C16orf86: variants seen among roughly 807,000 people sequenced by gnomAD.
C16orf86 encodes uncharacterized protein C16orf86.
Under a neutral mutation model 21.5 loss-of-function variants are expected in C16orf86, and 19 were observed. That is an observed-to-expected ratio of 0.88 (90% CI 0.62 to 1.30). The LOEUF (loss-of-function observed/expected upper bound fraction) is 1.30. Among genes scored for constraint, C16orf86 ranks in the 50% most tolerant of loss-of-function variants. The pLI, the probability that C16orf86 is intolerant of heterozygous loss-of-function variation, is 0.00. For missense variants in C16orf86, 391 were observed against 415.8 expected, an observed-to-expected ratio of 0.94 and a Z score of 0.52; for synonymous variants, 188 against 183.5, an observed-to-expected ratio of 1.02 and a Z score of -0.20.
Position 67,667,496 on chromosome 16 carries a change from C to T in C16orf86, c.303C>T (p.Pro101=). 1 of 1,607,348 alleles carries T rather than the reference C, an allele frequency of 6.2e-7. No individual in the cohort carries two copies. Among genetic ancestry groups the T allele is most frequent in the Non-Finnish European group, 8.5e-7 (1 of 1,177,272 alleles). Residue 101 remains proline (P), a synonymous_variant, in exon 2 of 4, where the codon CCC becomes CCT. Coordinates refer to ENST00000403458, the MANE Select transcript of C16orf86 (RefSeq NM_001012984.3). ...GPRPVVSIVR[P]RHGPKRKPVK... Reference sequence around the variant, plus strand: ...GGCCCGTGGTCTCCATTGTGAGGCCCCGTCATGGTCCAAAGAGAAAGCCTG... The same window carrying T: ...GGCCCGTGGTCTCCATTGTGAGGCCTCGTCATGGTCCAAAGAGAAAGCCTG...
At chr16:67,667,580 A>G in intron 2 of C16orf86, 55 bp downstream of exon 2, 1 of 1,556,466 alleles carries the variant, frequency 6.4e-7, no homozygotes, top group East Asian at 2.4e-5. Flanking sequence ...GGCACACACC[A>G]CAGTAGGATT....
chr16:67,668,624 C>A lies in C16orf86; in HGVS notation c.*24C>A, dbSNP rs747067544. On this transcript the variant is annotated 3_prime_UTR_variant, in exon 4 of 4. Coordinates refer to ENST00000403458, the MANE Select transcript of C16orf86 (RefSeq NM_001012984.3). ...GACTGTCCCGCCCCACTGGTGGCTC[C>A]CCTCCTTCCACGCCTGAATTTGGCT... 1 of 1,610,484 alleles carries A rather than the reference C, an allele frequency of 6.2e-7. No individual in the cohort carries two copies. Among genetic ancestry groups the A allele is most frequent in the Non-Finnish European group, 8.5e-7 (1 of 1,177,810 alleles).
chr16:67,667,641 T>C, intron 2 of C16orf86, 116 bp downstream of exon 2: 1 of 1,543,640 alleles, frequency 6.5e-7, no homozygotes, highest in East Asian at 2.4e-5. Flanking sequence ...GCCACTACCA[T>C]CACTCTCCTC....
chr16:67,667,131 C>T, intron 1 of C16orf86, 59 bp downstream of exon 1: 1 of 1,447,542 alleles, frequency 6.9e-7, no homozygotes, highest in African/African-American at 1.4e-5. Context: ...AGAGGTGGAA[C>T]TGAGCGCCCC....
Position 67,667,301 on chromosome 16 carries a change from AG to A in C16orf86, c.109del (p.Val37TrpfsTer51), listed in dbSNP as rs1842698649. On this transcript the variant is annotated frameshift_variant, in exon 2 of 4. Coordinates refer to ENST00000403458, the MANE Select transcript of C16orf86 (RefSeq NM_001012984.3). LOFTEE classifies it high-confidence loss of function. ...PGSAQTSECP[V>X]AGDQFLVPAH... The stretch of plus-strand genomic sequence containing the variant: ...GGCCTGTGTGTCATCTCTAGTGTCC[AG>A]TGGCGGGAGACCAGTTCCTGGTGCC... 2.5e-6 allele frequency: 4 copies of A among 1,607,876 alleles called. No individual in the cohort carries two copies. The highest frequency in any genetic ancestry group is 3.4e-6 in the Non-Finnish European group (4 of 1,177,482).
Position 67,668,075 on chromosome 16 carries a change from C to T in C16orf86, c.530C>T (p.Pro177Leu), listed in dbSNP as rs1347497098. 1.2e-6 allele frequency: 2 copies of T among 1,612,736 alleles called. No homozygotes were observed. The highest frequency in any genetic ancestry group is 1.7e-6 in the Non-Finnish European group (2 of 1,179,688). Reference protein sequence around the residue: ...LHAVASMVSAPLETLRLERKA... With the variant: ...LHAVASMVSALLETLRLERKA... ...GCTGTGGCCAGCATGGTGTCTGCAC[C>T]CTTAGAGACATTGAGGCTGGAGCGT... The change falls in exon 3 of 4, where the codon CCC (proline) becomes CTC (leucine). Residue 177 changes from proline (P) to leucine (L), a missense_variant. Pro to Leu is a moderately conservative substitution (Grantham distance 98, BLOSUM62 -3). Coordinates refer to ENST00000403458, the MANE Select transcript of C16orf86 (RefSeq NM_001012984.3).
At chr16:67,667,782 C>T (rs1247861167) in intron 2 of C16orf86, 96 bp from the exon 3 acceptor site, 4 of 1,518,360 alleles carry the variant, frequency 2.6e-6, no homozygotes, top group African/African-American at 1.4e-5. Context: ...GGACAGGCGT[C>T]GAGCCCTGGG....
At chr16:67,667,566 T>G in intron 2 of C16orf86, 41 bp downstream of exon 2, 1 of 1,564,002 alleles carries the variant, frequency 6.4e-7, no homozygotes, top group Non-Finnish European at 8.7e-7. Flanking sequence ...AGCCCCGGGG[T>G]TGGGGCACAC....
rs2053138798 is a variant in C16orf86 at position 67,668,686 on chromosome 16, G to T, written c.*86G>T. On this transcript the variant is annotated 3_prime_UTR_variant, in exon 4 of 4. Coordinates refer to ENST00000403458, the MANE Select transcript of C16orf86 (RefSeq NM_001012984.3). ...GTGGGCCTAGGCCCTCTGGTGGCGG[G>T]GGCAAATTTGGCACCTGCCCCCACT... 50 of 1,235,558 alleles carry T rather than the reference G, an allele frequency of 4.0e-5. No homozygotes were observed. In the South Asian group the frequency reaches 6.2e-4, roughly 15 times the overall value. The allele number at this position is 1,235,558 out of a possible 1,614,324, so 76.5% of individuals were successfully genotyped here.
intron 3 of C16orf86, 43 bp from the exon 4 acceptor site, chr16:67,668,157 C>A: frequency 6.3e-7 from 1 of 1,589,044 alleles, no homozygotes; most frequent in South Asian, 1.1e-5. Flanking sequence ...CGACATGGCA[C>A]AACCTGGCGC....
At chr16:67,667,778 G>C (rs1481922295) in intron 2 of C16orf86, 100 bp from the exon 3 acceptor site, 3 of 1,519,030 alleles carry the variant, frequency 2.0e-6, no homozygotes, top group Non-Finnish European at 2.6e-6. Flanking sequence ...AACGGGACAG[G>C]CGTCGAGCCC....
In C16orf86 at chr16:67,667,541, G is replaced by T. The variant is rs199607027; in HGVS notation, c.332+16G>T. 1 of 1,586,274 alleles carries T rather than the reference G, an allele frequency of 6.3e-7. No homozygotes were observed. The highest frequency in any genetic ancestry group is 2.3e-5 in the East Asian group (1 of 43,610). ...AGCCTGTCAAGTGAGGGGGCTCTCG[G>T]GGGGAAGGAGCTGCAGCCCCGGGGT... is the stretch of plus-strand genomic sequence containing the variant. On this transcript the variant is annotated intron_variant, in intron 2 of 3. Transcript: ENST00000403458.
chr16:67,668,170 T>A, intron 3 of C16orf86, 30 bp from the exon 4 acceptor site: 2 of 1,582,916 alleles, frequency 1.3e-6, no homozygotes, highest in Non-Finnish European at 1.7e-6. Context: ...CCTGGCGCTC[T>A]AGCCTCTGCC....
chr16:67,667,744 G>A (rs1597785118), intron 2 of C16orf86, 134 bp from the exon 3 acceptor site: 1 of 1,515,258 alleles, frequency 6.6e-7, no homozygotes, highest in Non-Finnish European at 8.8e-7. Context: ...TAAGCCTCTT[G>A]GGCCTGGGGT....
chr16:67,667,426 A>T lies in C16orf86; in HGVS notation c.233A>T (p.Glu78Val). The T allele has an allele frequency of 6.2e-7, 1 of 1,612,066 alleles. No individual in the cohort carries two copies. Among genetic ancestry groups the T allele is most frequent in the Non-Finnish European group, 8.5e-7 (1 of 1,179,704 alleles). ...GAGGAAGGACCCAAGCTGGGGGAGG[A>T]GCGGCCCAAGCCGCATGCCGGGGCG... The part of the protein sequence containing the change: ...LQEEGPKLGE[E>V]RPKPHAGALE... The change falls in exon 2 of 4, where the codon GAG becomes GTG. Residue 78 changes from glutamate (E) to valine (V), a missense_variant. By Grantham distance (121) the Glu-to-Val change is moderately radical. Coordinates refer to ENST00000403458, the MANE Select transcript of C16orf86 (RefSeq NM_001012984.3).
In C16orf86 at chr16:67,666,828, G is replaced by A; in HGVS notation, c.-143G>A. ...TCCTGGGGCTTGTAGTTTCGGCCGA[G>A]GGTGGGCTCCGCGGTCGCCGGTTTC... On this transcript the variant is annotated 5_prime_UTR_variant, in exon 1 of 4. Coordinates refer to ENST00000403458, the MANE Select transcript of C16orf86 (RefSeq NM_001012984.3). The A allele has an allele frequency of 1.8e-6, 1 of 546,968 alleles. No homozygotes were observed. Among genetic ancestry groups the A allele is most frequent in the Non-Finnish European group, 3.0e-6 (1 of 330,290 alleles). The allele number at this position is 546,968 out of a possible 1,614,324, so 33.9% of individuals were successfully genotyped here.
At chr16:67,667,691 G>C (rs1399842600) in intron 2 of C16orf86, 166 bp downstream of exon 2, 4 of 1,533,776 alleles carry the variant, frequency 2.6e-6, no homozygotes, top group Middle Eastern at 1.7e-4. Context: ...CAGCAGGAGA[G>C]TGGGAGCTTC....
chr16:67,667,139 C>T, intron 1 of C16orf86, 67 bp downstream of exon 1: 4 of 1,441,804 alleles, frequency 2.8e-6, no homozygotes, highest in South Asian at 2.6e-5. Flanking sequence ...AACTGAGCGC[C>T]CCGACCCGCT....
At chr16:67,667,742 T>C (rs1361660455) in intron 2 of C16orf86, 136 bp from the exon 3 acceptor site, 1 of 1,516,604 alleles carries the variant, frequency 6.6e-7, no homozygotes, top group Admixed American at 2.1e-5. Context: ...TCTAAGCCTC[T>C]TGGGCCTGGG....
Sources: gnomAD v4.1 joint callset for allele counts on GRCh38, gnomAD v4.1.1 for gene constraint, MANE v1.5 for transcripts, NCBI Gene and HGNC (gene_info 2026-07-23, HGNC 2026-07-21) for gene names.